Variants in WWOX observed in about 807,000 individuals in gnomAD.
WWOX encodes WW domain-containing oxidoreductase.
A neutral mutation model predicts 46.2 loss-of-function variants in WWOX; 69 were observed. The ratio of observed to expected loss-of-function variants is 1.49; its 90% CI spans 1.23 to 1.82. The LOEUF is 1.82. WWOX is among the 40% of genes most tolerant of loss of function. The pLI is 0.00. For synonymous variants in WWOX, 359 were observed against 202.6 expected, an observed-to-expected ratio of 1.77 and a Z score of -6.56; for missense variants, 919 against 542.6, an observed-to-expected ratio of 1.69 and a Z score of -6.89.
intron 5 of WWOX, among the ~76,000 whole-genome samples, chr16:78,252,271 T>TA (rs548809838): frequency 1.5e-3 from 234 of 152,228 alleles, no homozygotes; most frequent in African/African-American, 5.2e-3. Context: ...ATGCTTTATT[T>TA]AAAAAAAATC....
intron 8 of WWOX, among the ~76,000 whole-genome samples, chr16:78,938,714 G>T (rs1331849892): frequency 6.6e-6 from 1 of 152,144 alleles, no homozygotes; most frequent in Non-Finnish European, 1.5e-5. Flanking sequence ...TTGTTCTAGT[G>T]CAGCCATATA....
At chr16:78,467,890 C>G (rs772550598) in intron 8 of WWOX, among the ~76,000 whole-genome samples, 12 of 152,198 alleles carry the variant, frequency 7.9e-5, no homozygotes, top group Non-Finnish European at 1.8e-4. Flanking sequence ...TGACTCCAAA[C>G]TCAGTGATAC....
intron 5 of WWOX, among the ~76,000 whole-genome samples, chr16:78,381,132 A>G (rs1381923606): frequency 6.6e-6 from 1 of 152,108 alleles, no homozygotes; most frequent in African/African-American, 2.4e-5. Context: ...CAATGACAAT[A>G]TCTCCCCATT....
intron 8 of WWOX, among the ~76,000 whole-genome samples, chr16:78,746,467 C>T (rs942121691): frequency 6.6e-6 from 1 of 152,170 alleles, no homozygotes; most frequent in Non-Finnish European, 1.5e-5. Context: ...CACTACACTC[C>T]AGTACACTCC....
At chr16:78,751,330 C>T (rs1361665135) in intron 8 of WWOX, among the ~76,000 whole-genome samples, 1 of 150,310 alleles carries the variant, frequency 6.7e-6, no homozygotes, top group South Asian at 2.1e-4. Context: ...GAGTCAAAAG[C>T]AAAGAGTTTT....
chr16:78,928,203 CTTTTT>C (rs969068848), intron 8 of WWOX, among the ~76,000 whole-genome samples: 1 of 134,220 alleles, frequency 7.5e-6, no homozygotes, highest in Non-Finnish European at 1.6e-5. Flanking sequence ...TACCACTTTT[CTTTTT>C]TTTTTTTTTT....
At chr16:78,540,351 A>G (rs773080774) in intron 8 of WWOX, among the ~76,000 whole-genome samples, 1 of 152,018 alleles carries the variant, frequency 6.6e-6, no homozygotes, top group Non-Finnish European at 1.5e-5. Flanking sequence ...TTGGTTCTAC[A>G]CATTAGAATT....
intron 8 of WWOX, among the ~76,000 whole-genome samples, chr16:78,785,309 C>T (rs533927337): frequency 3.5e-4 from 54 of 152,318 alleles, no homozygotes; most frequent in African/African-American, 1.2e-3. Context: ...TTCCCAGCAG[C>T]AGCTTTGAGC....
rs1421762041 is a variant in WWOX at position 78,231,082 on chromosome 16, T to C, written c.516+66793T>C. On this transcript the variant is annotated intron_variant, in intron 5 of 8. Coordinates refer to ENST00000566780, the MANE Select transcript of WWOX (RefSeq NM_016373.4). ...CTGGGACGTGAACTGACAACATTTA[T>C]GATTCTGGCAGCTTGACATCACCCA... Among the ~76,000 whole-genome samples, 4 of 152,258 alleles carry C rather than the reference T, an allele frequency of 2.6e-5. 1 individual carries two copies. The highest frequency in any genetic ancestry group is 9.6e-5 in the African/African-American group (4 of 41,474).
intron 8 of WWOX, among the ~76,000 whole-genome samples, chr16:78,963,875 A>G (rs1175178503): frequency 6.6e-6 from 1 of 152,172 alleles, no homozygotes. Flanking sequence ...GGGAGAGGTA[A>G]TTGAATCATG....
At chr16:78,389,069 C>G (rs1451707361) in intron 6 of WWOX, among the ~76,000 whole-genome samples, 2 of 152,098 alleles carry the variant, frequency 1.3e-5, no homozygotes, top group African/African-American at 2.4e-5. Flanking sequence ...AGAGTTGCAA[C>G]ATCGCCTAAG....
chr16:78,158,548 T>G (rs948063278), intron 4 of WWOX, among the ~76,000 whole-genome samples: 6 of 148,064 alleles, frequency 4.1e-5, no homozygotes, highest in African/African-American at 1.2e-4. Context: ...TATACAGAAC[T>G]TTTTCAGTTT....
intron 8 of WWOX, among the ~76,000 whole-genome samples, chr16:78,998,171 C>A (rs141856082): frequency 1.3e-5 from 2 of 152,294 alleles, no homozygotes; most frequent in East Asian, 3.9e-4. Context: ...GCCATCGCGC[C>A]CGGCCTAGCC....
intron 5 of WWOX, among the ~76,000 whole-genome samples, chr16:78,284,627 T>C (rs575795012): frequency 2.7e-4 from 41 of 152,306 alleles, no homozygotes; most frequent in African/African-American, 9.4e-4. Context: ...TTCTACAAAA[T>C]CAATCAACAA....
intron 5 of WWOX, among the ~76,000 whole-genome samples, chr16:78,375,212 G>A (rs913133708): frequency 6.6e-6 from 1 of 152,310 alleles, no homozygotes; most frequent in East Asian, 1.9e-4. Flanking sequence ...CAAGCGTGAC[G>A]ATACTGTTAC....
At chr16:78,958,420 G>A (rs555669319) in intron 8 of WWOX, among the ~76,000 whole-genome samples, 1 of 152,314 alleles carries the variant, frequency 6.6e-6, no homozygotes, top group South Asian at 2.1e-4. Context: ...GTTCATGGAT[G>A]TTCTATATTT....
intron 6 of WWOX, among the ~76,000 whole-genome samples, chr16:78,388,425 G>T (rs951818756): frequency 6.6e-6 from 1 of 151,246 alleles, no homozygotes; most frequent in Non-Finnish European, 1.5e-5. Flanking sequence ...GGCGGGGAGG[G>T]TCATGAGGTC....
chr16:78,644,619 G>A (rs1347008438), intron 8 of WWOX, among the ~76,000 whole-genome samples: 2 of 152,020 alleles, frequency 1.3e-5, no homozygotes, highest in Non-Finnish European at 2.9e-5. Context: ...CTGCCACCAC[G>A]CCTGGCTAAT....
At chr16:78,496,631 G>A (rs1490113197) in intron 8 of WWOX, among the ~76,000 whole-genome samples, 1 of 152,206 alleles carries the variant, frequency 6.6e-6, no homozygotes, top group Non-Finnish European at 1.5e-5. Flanking sequence ...ATCTTGAAGG[G>A]AGGGATGCAT....
Sources: gnomAD v4.1 joint callset for allele counts (sites outside exome capture counted in the v4.1 genomes callset) on GRCh38, gnomAD v4.1.1 for gene constraint, MANE v1.5 for transcripts, NCBI Gene and HGNC (gene_info 2026-07-23, HGNC 2026-07-21) for gene names.